UBTD1: variants seen among roughly 807,000 people sequenced by gnomAD.
The protein encoded by UBTD1 is ubiquitin domain containing 1, also known as ubiquitin domain-containing protein 1.
UBTD1 carries 19 observed loss-of-function variants against 21.7 expected under a neutral mutation model. The ratio of observed to expected loss-of-function variants is 0.87; its 90% CI spans 0.61 to 1.28. The LOEUF is 1.28. UBTD1 is among the 50% of genes most tolerant of loss of function. The pLI is 0.00. For missense variants in UBTD1, 282 were observed against 315.1 expected (o/e 0.89, Z 0.80); for synonymous variants, 116 against 135.1 (o/e 0.86, Z 0.98).
chr10:97,531,011 C>T (rs561295717), intron 1 of UBTD1, among the ~76,000 whole-genome samples: 73 of 151,948 alleles, frequency 4.8e-4, no homozygotes, highest in African/African-American at 1.4e-3. Context: ...CCTCAGCCTC[C>T]GGAGTAGCTG....
chr10:97,529,475 T>C (rs1476314773), intron 1 of UBTD1, among the ~76,000 whole-genome samples: 2 of 152,278 alleles, frequency 1.3e-5, no homozygotes, highest in African/African-American at 2.4e-5. Flanking sequence ...CTGGGCACCA[T>C]TGAGCACTGA....
intron 1 of UBTD1, among the ~76,000 whole-genome samples, chr10:97,533,268 C>CG (rs2040541740): frequency 6.6e-6 from 1 of 152,214 alleles, no homozygotes; most frequent in Non-Finnish European, 1.5e-5. Flanking sequence ...CCTGCTGCCC[C>CG]GGGTTTGCTG....
intron 1 of UBTD1, among the ~76,000 whole-genome samples, chr10:97,500,450 C>T (rs1440924947): frequency 6.6e-6 from 1 of 152,200 alleles, no homozygotes; most frequent in Non-Finnish European, 1.5e-5. Flanking sequence ...GGGAAGGATG[C>T]AGTAAAACTT....
At chr10:97,530,008 G>A (rs1172433325) in intron 1 of UBTD1, among the ~76,000 whole-genome samples, 1 of 152,094 alleles carries the variant, frequency 6.6e-6, no homozygotes, top group East Asian at 1.9e-4. Flanking sequence ...TCCGCAGAGG[G>A]GGTGAGACCA....
chr10:97,559,099 C>T (rs962313132), intron 1 of UBTD1, among the ~76,000 whole-genome samples: 1 of 152,228 alleles, frequency 6.6e-6, no homozygotes, highest in African/African-American at 2.4e-5. Context: ...AATGCTAAGT[C>T]TCCTCCCTGC....
intron 1 of UBTD1, among the ~76,000 whole-genome samples, chr10:97,522,366 C>A (rs572157570): frequency 6.6e-6 from 1 of 152,336 alleles, no homozygotes; most frequent in South Asian, 2.1e-4. Flanking sequence ...GAGAGCAGCT[C>A]CCTCCGATCA....
intron 1 of UBTD1, among the ~76,000 whole-genome samples, chr10:97,539,548 T>C (rs1392331125): frequency 6.6e-6 from 1 of 152,100 alleles, no homozygotes; most frequent in East Asian, 1.9e-4. Context: ...TGAGCTGTGA[T>C]TGTGCCCGTG....
At chr10:97,538,359 A>C (rs781464049) in intron 1 of UBTD1, among the ~76,000 whole-genome samples, 56 of 152,148 alleles carry the variant, frequency 3.7e-4, no homozygotes, top group Non-Finnish European at 7.2e-4. Flanking sequence ...AATAGAAATA[A>C]AATTTAAAAA....
chr10:97,536,002 A>ATTATTATTATTATTATTT (rs2040559520), intron 1 of UBTD1, among the ~76,000 whole-genome samples: 1 of 148,774 alleles, frequency 6.7e-6, no homozygotes, highest in Non-Finnish European at 1.5e-5. Context: ...TATTATTATT[A>ATTATTATTATTATTATTT]TTATTTCGAG....
At chr10:97,518,589 G>T (rs1439134143) in intron 1 of UBTD1, among the ~76,000 whole-genome samples, 1 of 152,190 alleles carries the variant, frequency 6.6e-6, no homozygotes, top group Non-Finnish European at 1.5e-5. Flanking sequence ...GCCAGATTTT[G>T]TCTTCTCCTG....
At chr10:97,558,020 T>G (rs2040672975) in intron 1 of UBTD1, among the ~76,000 whole-genome samples, 2 of 152,196 alleles carry the variant, frequency 1.3e-5, no homozygotes, top group South Asian at 4.2e-4. Flanking sequence ...GTGATGAGTT[T>G]CCTCATGCTT....
chr10:97,539,938 C>T (rs2040579943), intron 1 of UBTD1, among the ~76,000 whole-genome samples: 2 of 12,794 alleles, frequency 1.6e-4, no homozygotes, highest in Admixed American at 1.6e-3. Context: ...CCTGTGCAGC[C>T]CGAGGCCCTT....
chr10:97,561,289 G>A (rs767533951), intron 1 of UBTD1, among the ~76,000 whole-genome samples: 4 of 152,108 alleles, frequency 2.6e-5, no homozygotes, highest in Admixed American at 6.5e-5. Flanking sequence ...TCAGCCGTCC[G>A]TGAGTTACCT....
intron 1 of UBTD1, among the ~76,000 whole-genome samples, chr10:97,557,091 G>T (rs1338301847): frequency 6.6e-6 from 1 of 152,194 alleles, no homozygotes. Context: ...CTAAGTGTCG[G>T]ACTTCCCATG....
In UBTD1 at chr10:97,555,719, C is replaced by T. The variant is rs560128147; in HGVS notation, c.71-12195C>T. Among the ~76,000 whole-genome samples, 22 of 152,250 alleles carry T rather than the reference C, an allele frequency of 1.4e-4. No individual in the cohort carries two copies. In the East Asian group the frequency reaches 3.3e-3, roughly 23 times the overall value. ...AGAAACAGAACAGGGCAGGGAGTTTCGCAGTGTTCTTCTATACAATGTCTG... is the reference window on the plus strand; with the variant it reads ...AGAAACAGAACAGGGCAGGGAGTTTTGCAGTGTTCTTCTATACAATGTCTG... On this transcript the variant is annotated intron_variant, in intron 1 of 2. Transcript: ENST00000370664.
At chr10:97,552,247 G>A (rs1212868035) in intron 1 of UBTD1, among the ~76,000 whole-genome samples, 1 of 151,824 alleles carries the variant, frequency 6.6e-6, no homozygotes, top group African/African-American at 2.4e-5. Flanking sequence ...GGTGGTACAT[G>A]CCTATAATCA....
chr10:97,518,877 CT>C (rs1454483125), intron 1 of UBTD1, among the ~76,000 whole-genome samples: 1 of 152,188 alleles, frequency 6.6e-6, no homozygotes, highest in East Asian at 1.9e-4. Flanking sequence ...AGTACCAAAC[CT>C]TTTCCATGTA....
chr10:97,515,039 G>A (rs1396807565), intron 1 of UBTD1, among the ~76,000 whole-genome samples: 3 of 152,212 alleles, frequency 2.0e-5, no homozygotes, highest in African/African-American at 7.2e-5. Flanking sequence ...TGATCATCTT[G>A]GGTAGCCTGG....
At chr10:97,529,162 G>A (rs1054059456) in intron 1 of UBTD1, among the ~76,000 whole-genome samples, 1 of 151,218 alleles carries the variant, frequency 6.6e-6, no homozygotes, top group East Asian at 2.0e-4. Context: ...CATCTCAGAC[G>A]ATGGGCGGCC....
Sources: allele counts gnomAD v4.1 joint callset (sites outside exome capture counted in the v4.1 genomes callset), GRCh38; gene constraint gnomAD v4.1.1; transcripts MANE v1.5; gene names NCBI Gene and HGNC (gene_info 2026-07-23, HGNC 2026-07-21).